The following TMEM181 variants were observed in gnomAD, a reference collection of about 807,000 sequenced individuals.
TMEM181 encodes transmembrane protein 181, also known as G protein-coupled receptor 178.
TMEM181 carries 39 observed loss-of-function variants against 71.9 expected under a neutral mutation model. The observed-to-expected ratio is 0.54, with a 90% confidence interval of 0.42 to 0.71. The LOEUF (loss-of-function observed/expected upper bound fraction) is 0.71, where lower values mean the gene tolerates loss of function less well. Ranked by LOEUF, TMEM181 falls within the 30% of genes least tolerant of loss-of-function variation. The probability of loss-of-function intolerance (pLI) is 0.00; values close to 1 mark genes in which losing one functional copy is unlikely to be tolerated. For synonymous variants in TMEM181, 245 were observed against 228.8 expected (o/e 1.07, Z -0.64); for missense variants, 595 against 583.0 (o/e 1.02, Z -0.21).
intron 8 of TMEM181, 140 bp downstream of exon 8, chr6:158,607,483 G>A (rs537097164): frequency 1.4e-6 from 1 of 729,918 alleles, no homozygotes; most frequent in East Asian, 2.7e-5. Flanking sequence ...TTTAACACCA[G>A]CCTGGGTAAC....
At chr6:158,552,830 A>G (rs1005064581) in intron 1 of TMEM181, among the ~76,000 whole-genome samples, 2 of 92,938 alleles carry the variant, frequency 2.2e-5, no homozygotes, top group African/African-American at 9.8e-5. Flanking sequence ...ACCATTCGGA[A>G]TGAAAAAACA....
chr6:158,620,588 T>C lies in TMEM181; in HGVS notation c.897-2962T>C, dbSNP rs557603796. ...TCGCTGGTGGTTGGAGGTGGATTCC[T>C]GAGACCTGAGGGTTTTGAGAGCCCA... On this transcript the variant is annotated intron_variant, in intron 10 of 16. Coordinates refer to ENST00000684151, the MANE Select transcript of TMEM181 (RefSeq NM_001376852.1). The surrounding 1 kb of genome is among the most constrained non-coding windows in gnomAD (Gnocchi z 4.5). 6.6e-6 allele frequency among the ~76,000 whole-genome samples: 1 copy of C among 152,318 alleles called. No individual in the cohort carries two copies. The highest frequency in any genetic ancestry group is 2.1e-4 in the South Asian group (1 of 4,826).
rs112032444 is a variant in TMEM181, at chr6:158,566,223, C to T, written c.8+5991C>T. Among the ~76,000 whole-genome samples, 309 of 152,060 alleles carry T rather than the reference C, an allele frequency of 2.0e-3. 2 individuals carry two copies. The highest frequency in any genetic ancestry group is 6.7e-3 in the African/African-American group (276 of 41,446). Reference sequence around the variant, plus strand: ...GTGAGGTACCTGCTTGATAGCCAAACGGGCATGCCAAGTGGTTGAGTAGGG... The same window carrying T: ...GTGAGGTACCTGCTTGATAGCCAAATGGGCATGCCAAGTGGTTGAGTAGGG... On this transcript the variant is annotated intron_variant, in intron 1 of 16. Coordinates refer to ENST00000684151, the MANE Select transcript of TMEM181 (RefSeq NM_001376852.1).
At chr6:158,590,894 G>A (rs533087347) in intron 6 of TMEM181, among the ~76,000 whole-genome samples, 163 of 152,248 alleles carry the variant, frequency 1.1e-3, no homozygotes, top group African/African-American at 3.7e-3. Context: ...AATCACTAAC[G>A]TTCTCTCTGT....
Position 158,543,166 on chromosome 6 carries a change from C to T in TMEM181, c.131+6301C>T, listed in dbSNP as rs1452669775. Among the ~76,000 whole-genome samples the T allele has an allele frequency of 3.3e-5, 5 of 152,092 alleles. No individual in the cohort carries two copies. In the East Asian group the frequency reaches 7.7e-4, roughly 23 times the overall value. ...CTGGGATTACAGGTGTGAGCCACCT[C>T]GCCTGGCCTCAGAGTATGTTTATTT... On this transcript the variant is annotated intron_variant, in intron 1 of 16. Transcript: ENST00000367090.
chr6:158,540,008 A>C (rs1250468656), intron 1 of TMEM181, among the ~76,000 whole-genome samples: 1 of 152,200 alleles, frequency 6.6e-6, no homozygotes, highest in Non-Finnish European at 1.5e-5. Context: ...TCTAAACAAT[A>C]AGGGAATGAA....
chr6:158,560,047 T>G, upstream of TMEM181: 1 of 984,802 alleles, frequency 1.0e-6, no homozygotes, highest in Non-Finnish European at 1.2e-6. Context: ...TCTTCCGCCG[T>G]GAGAGTCGCT....
At chr6:158,605,689 TTTTTATA>T (rs1479817259) in intron 7 of TMEM181, among the ~76,000 whole-genome samples, 4 of 152,128 alleles carry the variant, frequency 2.6e-5, no homozygotes, top group Admixed American at 1.3e-4. Flanking sequence ...TGCTCTTGGG[TTTTTATA>T]TTTTATATTT....
At chr6:158,560,496 A>G (rs1042658635) in intron 1 of TMEM181, among the ~76,000 whole-genome samples, 1 of 152,122 alleles carries the variant, frequency 6.6e-6, no homozygotes, top group Non-Finnish European at 1.5e-5. Flanking sequence ...GGGTTCCGGG[A>G]CGGGGCTGCG....
chr6:158,622,343 G>A (rs1183975028), intron 10 of TMEM181, among the ~76,000 whole-genome samples: 2 of 152,214 alleles, frequency 1.3e-5, no homozygotes, highest in Admixed American at 6.5e-5. Flanking sequence ...TGTGGGATAA[G>A]TGAGGGGAAT....
At chr6:158,550,526 C>T (rs533762708) in intron 1 of TMEM181, among the ~76,000 whole-genome samples, 7 of 151,918 alleles carry the variant, frequency 4.6e-5, no homozygotes, top group Admixed American at 2.6e-4. Context: ...CGTGGTGTCG[C>T]TTACCTGTAG....
chr6:158,627,827 C>T (rs1211045299), intron 13 of TMEM181, among the ~76,000 whole-genome samples: 1 of 151,968 alleles, frequency 6.6e-6, no homozygotes, highest in African/African-American at 2.4e-5. Context: ...CTGAGGGTGG[C>T]ATGTGGGAGG....
At chr6:158,627,105 CCT>C (rs552769150) in intron 13 of TMEM181, among the ~76,000 whole-genome samples, 265 of 79,110 alleles carry the variant, frequency 3.3e-3, no homozygotes, top group Middle Eastern at 0.017. Context: ...TCGTTTTCAC[CCT>C]CTCTCACACC....
At chr6:158,586,093 G>A (rs1236612828) in intron 5 of TMEM181, among the ~76,000 whole-genome samples, 1 of 152,192 alleles carries the variant, frequency 6.6e-6, no homozygotes, top group African/African-American at 2.4e-5. Flanking sequence ...CCTCTTGGGC[G>A]TCAGGGGCCT....
chr6:158,573,570 C>T (rs759872136), intron 2 of TMEM181, 47 bp downstream of exon 2: 3 of 1,489,756 alleles, frequency 2.0e-6, no homozygotes, highest in Admixed American at 2.0e-5. Flanking sequence ...TGCGCGGTGG[C>T]CCTGGCGTAT....
At chr6:158,543,946 A>G (rs1781438788) in intron 1 of TMEM181, among the ~76,000 whole-genome samples, 1 of 152,172 alleles carries the variant, frequency 6.6e-6, no homozygotes, top group Non-Finnish European at 1.5e-5. Context: ...CTTGATGAAC[A>G]AGAGTCAGGA....
At chr6:158,557,514 T>TTA (rs2128283203), upstream of TMEM181, among the ~76,000 whole-genome samples, 2 of 151,496 alleles carry the variant, frequency 1.3e-5, no homozygotes, top group South Asian at 4.2e-4. Flanking sequence ...AATTATTTAT[T>TTA]TATTTATTTA....
intron 3 of TMEM181, among the ~76,000 whole-genome samples, chr6:158,583,668 C>T (rs531261658): frequency 6.4e-4 from 98 of 152,150 alleles, no homozygotes; most frequent in African/African-American, 2.2e-3. Flanking sequence ...GACGTGGTGG[C>T]GGGCGCCTGT....
Position 158,565,297 on chromosome 6 carries a change from A to G in TMEM181, c.8+5065A>G, listed in dbSNP as rs568246754. Among the ~76,000 whole-genome samples, 6 of 152,200 alleles carry G rather than the reference A, an allele frequency of 3.9e-5. No homozygotes were observed. The East Asian group carries it at 5.8e-4, about 15-fold the overall frequency. Reference sequence around the variant, plus strand: ...GCTTTCTGAACCCCTCGTGAGCCCTATGTGGGAGGGGTAGGCACTTAGTGG... The same window carrying G: ...GCTTTCTGAACCCCTCGTGAGCCCTGTGTGGGAGGGGTAGGCACTTAGTGG... On this transcript the variant is annotated intron_variant, in intron 1 of 16. Coordinates refer to ENST00000684151, the MANE Select transcript of TMEM181 (RefSeq NM_001376852.1).
Sources: gnomAD v4.1 joint callset for allele counts (sites outside exome capture counted in the v4.1 genomes callset) on GRCh38, gnomAD v4.1.1 for gene constraint, Gnocchi (gnomAD v3.1) non-coding constraint, MANE v1.5 for transcripts, NCBI Gene and HGNC (gene_info 2026-07-23, HGNC 2026-07-21) for gene names.